Variants in TMTC1 observed in about 807,000 individuals in gnomAD.
TMTC1 encodes the protein protein O-mannosyl-transferase TMTC1.
TMTC1 carries 73 observed loss-of-function variants against 104.8 expected under a neutral mutation model. The observed-to-expected ratio is 0.70, with a 90% confidence interval of 0.58 to 0.85. TMTC1 has a LOEUF of 0.85. Among genes scored for constraint, TMTC1 ranks in the 40% least tolerant of loss-of-function variants. TMTC1 has a pLI of 0.00. For missense variants in TMTC1, 1,035 were observed against 1,096.1 expected, an observed-to-expected ratio of 0.94 and a Z score of 0.79; for synonymous variants, 434 against 428.7, an observed-to-expected ratio of 1.01 and a Z score of -0.15.
At chr12:29,576,262 C>G (rs1265622162) in intron 8 of TMTC1, among the ~76,000 whole-genome samples, 1 of 151,864 alleles carries the variant, frequency 6.6e-6, no homozygotes, top group African/African-American at 2.4e-5. Flanking sequence ...TGATGCAGTC[C>G]CATTTGTGTA....
chr12:29,540,327 C>T (rs1944761059), intron 10 of TMTC1, among the ~76,000 whole-genome samples: 2 of 152,202 alleles, frequency 1.3e-5, no homozygotes, highest in South Asian at 4.1e-4. Flanking sequence ...TCTCATTCAG[C>T]ATTATAAATT....
chr12:29,706,675 G>C (rs1591953590), intron 5 of TMTC1, among the ~76,000 whole-genome samples: 1 of 152,288 alleles, frequency 6.6e-6, no homozygotes, highest in East Asian at 1.9e-4. Flanking sequence ...CTTGGGAACA[G>C]ACATCCATAA....
At chr12:29,585,009 C>G (rs11050306) in intron 7 of TMTC1, among the ~76,000 whole-genome samples, 25,600 of 146,072 alleles carry the variant, frequency 0.18, 2,665 homozygotes, top group East Asian at 0.36. Context: ...CCTGAGGAAT[C>G]GCCACGCTGA....
At chr12:29,530,465 T>C (rs1423641983) in intron 11 of TMTC1, among the ~76,000 whole-genome samples, 1 of 152,184 alleles carries the variant, frequency 6.6e-6, no homozygotes, top group Admixed American at 6.5e-5. Context: ...AGCTGGTCCA[T>C]GGAGACTGTG....
intron 5 of TMTC1, among the ~76,000 whole-genome samples, chr12:29,643,603 A>ATTATATATATAATATATATG (rs1555180685): frequency 1.1e-3 from 42 of 37,588 alleles, no homozygotes; most frequent in African/African-American, 5.5e-3. Flanking sequence ...TATATTATAT[A>ATTATATATATAATATATATG]TTATATATAA....
intron 8 of TMTC1, among the ~76,000 whole-genome samples, 165 bp downstream of exon 8, chr12:29,583,242 T>C (rs944975382): frequency 4.6e-5 from 7 of 152,236 alleles, no homozygotes; most frequent in Admixed American, 2.0e-4. Flanking sequence ...TTTAAAAATC[T>C]AAAGTTAAAA....
At chr12:29,582,016 A>AT (rs1455500089) in intron 8 of TMTC1, among the ~76,000 whole-genome samples, 3 of 152,216 alleles carry the variant, frequency 2.0e-5, no homozygotes, top group African/African-American at 7.2e-5. Flanking sequence ...AAAACTCTAC[A>AT]TTGAGCTCCC....
chr12:29,710,815 T>TAA (rs1565786221), intron 5 of TMTC1, among the ~76,000 whole-genome samples: 24 of 132,278 alleles, frequency 1.8e-4, no homozygotes, highest in African/African-American at 6.7e-4. Flanking sequence ...TTATATATAA[T>TAA]ATAATGTTTA....
intron 6 of TMTC1, among the ~76,000 whole-genome samples, chr12:29,604,850 C>T (rs1427931900): frequency 6.6e-6 from 1 of 152,166 alleles, no homozygotes; most frequent in Non-Finnish European, 1.5e-5. Flanking sequence ...TACCTTCACA[C>T]CTCTCAAATT....
intron 1 of TMTC1, 81 bp from the exon 2 acceptor site, chr12:29,768,156 C>T: frequency 9.7e-7 from 1 of 1,027,572 alleles, no homozygotes; most frequent in Non-Finnish European, 1.4e-6. Flanking sequence ...CGGAATCCAT[C>T]ATTTAAAAAG....
chr12:29,770,017 TA>T (rs963910342), intron 1 of TMTC1, among the ~76,000 whole-genome samples: 2 of 151,908 alleles, frequency 1.3e-5, no homozygotes, highest in Non-Finnish European at 2.9e-5. Flanking sequence ...GTGTAAATGG[TA>T]AAAATGGCAA....
intron 5 of TMTC1, among the ~76,000 whole-genome samples, chr12:29,694,933 T>C (rs79859677): frequency 0.14 from 20,948 of 148,970 alleles, 1,711 homozygotes; most frequent in East Asian, 0.34. Context: ...AAACTCCATC[T>C]CAACAAAACA....
intron 1 of TMTC1, among the ~76,000 whole-genome samples, chr12:29,770,378 C>T (rs917831169): frequency 1.3e-5 from 2 of 152,070 alleles, no homozygotes; most frequent in Non-Finnish European, 2.9e-5. Flanking sequence ...ATTTCTTGAA[C>T]TTAGTCAAAA....
At chr12:29,659,481 C>T (rs985364874) in intron 5 of TMTC1, among the ~76,000 whole-genome samples, 1 of 152,204 alleles carries the variant, frequency 6.6e-6, no homozygotes, top group Non-Finnish European at 1.5e-5. Context: ...TCACTGCACA[C>T]AGTCAGCTCA....
At chr12:29,676,799 A>G (rs1235256621) in intron 5 of TMTC1, among the ~76,000 whole-genome samples, 1 of 152,200 alleles carries the variant, frequency 6.6e-6, no homozygotes, top group East Asian at 1.9e-4. Flanking sequence ...GTGCAGCCAA[A>G]TGAAGCATTT....
At chr12:29,555,133 C>CTTTT (rs1432538057) in intron 10 of TMTC1, among the ~76,000 whole-genome samples, 1 of 40,932 alleles carries the variant, frequency 2.4e-5, no homozygotes, top group African/African-American at 8.0e-5. Context: ...GTTCCAACAT[C>CTTTT]CTTTTTTTTT....
intron 5 of TMTC1, among the ~76,000 whole-genome samples, chr12:29,670,898 G>A (rs1290560832): frequency 1.4e-5 from 2 of 138,930 alleles, no homozygotes; most frequent in African/African-American, 2.8e-5. Flanking sequence ...TCGTGCCACT[G>A]CATTCCAGCC....
intron 5 of TMTC1, among the ~76,000 whole-genome samples, chr12:29,672,930 A>G (rs960615902): frequency 1.3e-5 from 2 of 152,230 alleles, no homozygotes; most frequent in Non-Finnish European, 2.9e-5. Flanking sequence ...AAACAAACCT[A>G]TCCAGAGAAC....
intron 15 of TMTC1, among the ~76,000 whole-genome samples, chr12:29,515,775 C>T (rs1434117585): frequency 6.7e-6 from 1 of 148,552 alleles, no homozygotes; most frequent in Non-Finnish European, 1.5e-5. Flanking sequence ...TTTTTCATAC[C>T]ACTTTATTTC....
Sources: gnomAD v4.1 joint callset for allele counts (sites outside exome capture counted in the v4.1 genomes callset) on GRCh38, gnomAD v4.1.1 for gene constraint, MANE v1.5 for transcripts, NCBI Gene and HGNC (gene_info 2026-07-23, HGNC 2026-07-21) for gene names.